The following SLC35F3 variants were observed in gnomAD, a reference collection of about 807,000 sequenced individuals.
SLC35F3 encodes the protein solute carrier family 35 member F3.
Under a neutral mutation model 49.9 loss-of-function variants are expected in SLC35F3, and 25 were observed. The ratio of observed to expected loss-of-function variants is 0.50; its 90% CI spans 0.37 to 0.70. The LOEUF is 0.70. Ranked by LOEUF, SLC35F3 falls within the 30% of genes least tolerant of loss-of-function variation. SLC35F3 has a pLI of 0.00. For synonymous variants in SLC35F3, 275 were observed against 265.4 expected (o/e 1.04, Z -0.35); for missense variants, 525 against 639.8 (o/e 0.82, Z 1.94).
At chr1:234,263,847 C>T (rs1306239665) in intron 3 of SLC35F3, among the ~76,000 whole-genome samples, 4 of 152,174 alleles carry the variant, frequency 2.6e-5, no homozygotes, top group African/African-American at 4.8e-5. Context: ...TGGTGGCTCA[C>T]GCTTGTAATC....
At chr1:234,133,730 C>T (rs192145515) in intron 2 of SLC35F3, among the ~76,000 whole-genome samples, 113 of 152,314 alleles carry the variant, frequency 7.4e-4, no homozygotes, top group African/African-American at 2.6e-3. Context: ...GAGGCCATAA[C>T]CCTCTTTTCT....
intron 2 of SLC35F3, among the ~76,000 whole-genome samples, chr1:234,210,243 A>C (rs563128690): frequency 6.6e-6 from 1 of 151,904 alleles, no homozygotes; most frequent in Non-Finnish European, 1.5e-5. Flanking sequence ...AGTCCATTAA[A>C]CCTCTTTTTC....
intron 2 of SLC35F3, among the ~76,000 whole-genome samples, chr1:233,915,129 G>A (rs1402703573): frequency 2.6e-5 from 4 of 152,176 alleles, no homozygotes; most frequent in African/African-American, 7.2e-5. Flanking sequence ...TGTTTTCTGT[G>A]ACATTCAAAT....
intron 2 of SLC35F3, among the ~76,000 whole-genome samples, chr1:233,936,642 C>A (rs887494496): frequency 1.3e-5 from 2 of 150,490 alleles, no homozygotes; most frequent in Non-Finnish European, 3.0e-5. Flanking sequence ...CTTCTTCTTC[C>A]TCTTCTCCTC....
At chr1:233,923,805 T>C (rs1203613167) in intron 2 of SLC35F3, among the ~76,000 whole-genome samples, 1 of 151,870 alleles carries the variant, frequency 6.6e-6, no homozygotes, top group Non-Finnish European at 1.5e-5. Context: ...AGCTCTTATT[T>C]TGAGATACAT....
chr1:233,955,429 G>A (rs571959995), intron 2 of SLC35F3, among the ~76,000 whole-genome samples: 7 of 152,146 alleles, frequency 4.6e-5, no homozygotes, highest in South Asian at 2.1e-4. Context: ...CATCTTGGCC[G>A]GGGACTAGTA....
chr1:234,282,108 C>A (rs1023794521), intron 3 of SLC35F3, among the ~76,000 whole-genome samples: 10 of 152,160 alleles, frequency 6.6e-5, no homozygotes, highest in African/African-American at 2.2e-4. Context: ...CATCATTGTG[C>A]CCAGATGCAC....
chr1:234,091,947 G>A (rs953955104), intron 2 of SLC35F3, among the ~76,000 whole-genome samples: 1 of 152,146 alleles, frequency 6.6e-6, no homozygotes, highest in African/African-American at 2.4e-5. Context: ...TTGCCCCACT[G>A]GGCTTTCTTT....
intron 2 of SLC35F3, among the ~76,000 whole-genome samples, chr1:233,931,030 C>A (rs2102793444): frequency 6.6e-6 from 1 of 152,222 alleles, no homozygotes; most frequent in Admixed American, 6.5e-5. Flanking sequence ...CACAAACAAG[C>A]AATGGGGAAG....
At chr1:233,975,803 G>A (rs999945783) in intron 2 of SLC35F3, among the ~76,000 whole-genome samples, 2 of 152,212 alleles carry the variant, frequency 1.3e-5, no homozygotes, top group African/African-American at 4.8e-5. Flanking sequence ...CGGAGGTGCA[G>A]GTTGCCAGGG....
At chr1:234,300,201 C>T (rs1430785086) in intron 3 of SLC35F3, among the ~76,000 whole-genome samples, 11 of 152,124 alleles carry the variant, frequency 7.2e-5, no homozygotes, top group East Asian at 1.9e-4. Context: ...CGAACAGAAA[C>T]GCAGTGCTAC....
chr1:233,905,454 GCTC>G, intron 1 of SLC35F3, 72 bp from the exon 2 acceptor site: 1 of 1,137,724 alleles, frequency 8.8e-7, no homozygotes, highest in Non-Finnish European at 1.3e-6. Context: ...CCTGGGATCT[GCTC>G]CTCACGAATC....
chr1:234,011,654 A>G (rs891690755), intron 2 of SLC35F3, among the ~76,000 whole-genome samples: 3 of 152,184 alleles, frequency 2.0e-5, no homozygotes, highest in African/African-American at 7.2e-5. Context: ...AGAGCACTTG[A>G]AGAAAATCCA....
At chr1:234,273,464 C>A (rs1668143606) in intron 3 of SLC35F3, among the ~76,000 whole-genome samples, 1 of 152,192 alleles carries the variant, frequency 6.6e-6, no homozygotes, top group Admixed American at 6.5e-5. Context: ...TAGCCAAGAA[C>A]TTAGGTTTGT....
chr1:234,065,570 T>A (rs1012048154), intron 2 of SLC35F3, among the ~76,000 whole-genome samples: 1 of 152,254 alleles, frequency 6.6e-6, no homozygotes, highest in South Asian at 2.1e-4. Flanking sequence ...ACTATTGTTG[T>A]GTTTAAAATA....
intron 2 of SLC35F3, among the ~76,000 whole-genome samples, chr1:234,139,303 T>TTA (rs1665855494): frequency 6.6e-6 from 1 of 152,236 alleles, no homozygotes; most frequent in Admixed American, 6.5e-5. Flanking sequence ...AGAAATGTAG[T>TTA]ATGTTATCAC....
intron 2 of SLC35F3, among the ~76,000 whole-genome samples, chr1:234,225,209 AAAT>A (rs1349811431): frequency 6.6e-6 from 1 of 152,226 alleles, no homozygotes; most frequent in Non-Finnish European, 1.5e-5. Flanking sequence ...CACTGCCTAA[AAAT>A]AATGTCACAC....
intron 2 of SLC35F3, among the ~76,000 whole-genome samples, chr1:233,998,264 C>T (rs1663494582): frequency 6.6e-6 from 1 of 151,952 alleles, no homozygotes; most frequent in Admixed American, 6.6e-5. Flanking sequence ...ACCTAGCTAG[C>T]TTCTCATTGT....
chr1:234,293,341 G>A (rs1225906900), intron 3 of SLC35F3, among the ~76,000 whole-genome samples: 4 of 152,214 alleles, frequency 2.6e-5, no homozygotes, highest in Admixed American at 6.5e-5. Flanking sequence ...TCTAGGAGGC[G>A]AGGAACTGAG....
Sources: gnomAD v4.1 joint callset for allele counts (sites outside exome capture counted in the v4.1 genomes callset) on GRCh38, gnomAD v4.1.1 for gene constraint, MANE v1.5 for transcripts, NCBI Gene and HGNC (gene_info 2026-07-23, HGNC 2026-07-21) for gene names.